Variants in PEMT observed in about 807,000 individuals in gnomAD.
The protein encoded by PEMT is phosphatidylethanolamine N-methyltransferase.
PEMT carries 23 observed loss-of-function variants against 27.4 expected under a neutral mutation model. That is an observed-to-expected ratio of 0.84 (90% CI 0.60 to 1.19). PEMT has a LOEUF of 1.19. Among genes scored for constraint, PEMT ranks in the 50% most tolerant of loss-of-function variants. The pLI is 0.00. For missense variants in PEMT, 307 were observed against 310.1 expected, an observed-to-expected ratio of 0.99 and a Z score of 0.07; for synonymous variants, 137 against 139.1, an observed-to-expected ratio of 0.98 and a Z score of 0.11.
chr17:17,550,476 T>G (rs1239977433), intron 2 of PEMT, among the ~76,000 whole-genome samples: 1 of 152,140 alleles, frequency 6.6e-6, no homozygotes, highest in Admixed American at 6.6e-5. Flanking sequence ...AGGACCCCCC[T>G]TCCCCCCACT....
intron 2 of PEMT, among the ~76,000 whole-genome samples, chr17:17,540,630 G>A (rs965234586): frequency 6.6e-6 from 1 of 152,164 alleles, no homozygotes; most frequent in African/African-American, 2.4e-5. Flanking sequence ...AGGATGAGAG[G>A]CCCCAGGCAG....
chr17:17,562,662 A>G (rs371226937), intron 2 of PEMT, among the ~76,000 whole-genome samples: 4 of 152,210 alleles, frequency 2.6e-5, no homozygotes, highest in African/African-American at 9.7e-5. Flanking sequence ...TGCAAAAATT[A>G]GCCGGGCATG....
intron 2 of PEMT, among the ~76,000 whole-genome samples, chr17:17,550,103 T>C (rs1909544375): frequency 6.6e-6 from 1 of 152,140 alleles, no homozygotes; most frequent in Non-Finnish European, 1.5e-5. Flanking sequence ...GCACAGAGAC[T>C]CTCTCTCCTC....
At chr17:17,528,222 CG>C (rs1171284475) in intron 2 of PEMT, among the ~76,000 whole-genome samples, 2 of 152,218 alleles carry the variant, frequency 1.3e-5, no homozygotes, top group Non-Finnish European at 2.9e-5. Context: ...CCTCCCGAAC[CG>C]CCCCCATCTC....
At position 17,588,174 on chromosome 17, in the gene PEMT, T is replaced by C. The variant is rs142329478; in HGVS notation, c.96+3357A>G. Among the ~76,000 whole-genome samples, 1,381 of 152,304 alleles carry C rather than the reference T, an allele frequency of 9.1e-3. 29 individuals carry two copies. The highest frequency in any genetic ancestry group is 0.031 in the African/African-American group (1,280 of 41,556). On this transcript the variant is annotated intron_variant, in intron 1 of 6. Coordinates refer to ENST00000255389, the MANE Select transcript of PEMT (RefSeq NM_148172.3). ...CACGGAAAGCCTCAACCCTGCTCTGTCTTGGCTGATGCCAAAATTACTGAA... is the reference window on the plus strand; with the variant it reads ...CACGGAAAGCCTCAACCCTGCTCTGCCTTGGCTGATGCCAAAATTACTGAA...
At chr17:17,556,345 C>G (rs1910049402) in intron 2 of PEMT, among the ~76,000 whole-genome samples, 1 of 151,574 alleles carries the variant, frequency 6.6e-6, no homozygotes, top group Non-Finnish European at 1.5e-5. Context: ...GCATGGGAGC[C>G]TTCCTTCCTT....
intron 1 of PEMT, among the ~76,000 whole-genome samples, chr17:17,587,867 G>A (rs1912399006): frequency 6.6e-6 from 1 of 152,100 alleles, no homozygotes; most frequent in African/African-American, 2.4e-5. Flanking sequence ...CTGAGCAACA[G>A]AGCGAGACTC....
chr17:17,577,584 C>CT (rs1319782106), intron 1 of PEMT: 1 of 853,744 alleles, frequency 1.2e-6, no homozygotes, highest in Non-Finnish European at 1.4e-6. Flanking sequence ...CACGTGGACA[C>CT]TGCCCCCGCC....
rs1912021802 is a variant in PEMT, at chr17:17,582,355, T to C, written c.97-5328A>G. 1 of 985,292 alleles carries C rather than the reference T, an allele frequency of 1.0e-6. No individual in the cohort carries two copies. Among genetic ancestry groups the C allele is most frequent in the Non-Finnish European group, 1.2e-6 (1 of 829,884 alleles). The allele number at this position is 985,292 out of a possible 1,614,324, so 61.0% of individuals were successfully genotyped here. The stretch of plus-strand genomic sequence containing the variant: ...CCTCAGCTGTTAACACCCCAAAGCA[T>C]GGGTAAGGAAGAGGCTTTATGGTAA... On this transcript the variant is annotated intron_variant, in intron 1 of 6. Coordinates refer to ENST00000255389, the MANE Select transcript of PEMT (RefSeq NM_148172.3). The surrounding 1 kb of genome is among the most constrained non-coding windows in gnomAD (Gnocchi z 4.9).
chr17:17,561,091 A>C lies in PEMT; in HGVS notation c.204+15829T>G, dbSNP rs543549836. Among the ~76,000 whole-genome samples the C allele has an allele frequency of 2.0e-5, 3 of 152,118 alleles. No individual in the cohort carries two copies. The highest frequency in any genetic ancestry group is 2.0e-4 in the Admixed American group (3 of 15,276). Reference sequence around the variant, plus strand: ...TCAAATCCTATTTGCCTCAGGTTCCAGGGAGTCTCACATGATGGGCAGGAC... The same window carrying C: ...TCAAATCCTATTTGCCTCAGGTTCCCGGGAGTCTCACATGATGGGCAGGAC... On this transcript the variant is annotated intron_variant, in intron 2 of 6. Coordinates refer to ENST00000255389, the MANE Select transcript of PEMT (RefSeq NM_148172.3). This position sits in a 1 kb window ranked among gnomAD's most constrained non-coding sequence, Gnocchi z 4.5.
intron 2 of PEMT, among the ~76,000 whole-genome samples, chr17:17,539,990 G>A (rs1908768570): frequency 6.6e-6 from 1 of 152,244 alleles, no homozygotes; most frequent in Non-Finnish European, 1.5e-5. Context: ...CCCACCCCAG[G>A]AGTGCAGGGA....
At chr17:17,508,033 G>C in intron 5 of PEMT, 1 of 152,798 alleles carries the variant, frequency 6.5e-6, no homozygotes, top group Non-Finnish European at 1.5e-5. Context: ...GGAGGGATTC[G>C]TGCAGGAGGG....
chr17:17,515,823 A>G (rs972665883), intron 3 of PEMT, among the ~76,000 whole-genome samples: 1 of 152,152 alleles, frequency 6.6e-6, no homozygotes, highest in African/African-American at 2.4e-5. Flanking sequence ...AGGGGTGGGG[A>G]ACGGAGACTC....
intron 1 of PEMT, among the ~76,000 whole-genome samples, chr17:17,586,384 G>A (rs1465572131): frequency 6.6e-6 from 1 of 151,940 alleles, no homozygotes; most frequent in Non-Finnish European, 1.5e-5. Flanking sequence ...GGCAGCCTTG[G>A]GAACAGCCTG....
In PEMT at chr17:17,526,386, C is replaced by T. The variant is rs539563190; in HGVS notation, c.205-3991G>A. 3.9e-5 allele frequency among the ~76,000 whole-genome samples: 6 copies of T among 152,292 alleles called. No individual in the cohort carries two copies. In the East Asian group the frequency reaches 5.8e-4, roughly 15 times the overall value. ...TTCATAGGCAAATCACTCAGCTGCC[C>T]GCTACCTAAACTGAGTCAGCTGCAA... On this transcript the variant is annotated intron_variant, in intron 2 of 6. Transcript: ENST00000255389.
chr17:17,533,219 C>T (rs1908231778), intron 2 of PEMT, among the ~76,000 whole-genome samples: 1 of 152,170 alleles, frequency 6.6e-6, no homozygotes, highest in African/African-American at 2.4e-5. Flanking sequence ...GCTGCCAAAA[C>T]AAATGAATGT....
intron 2 of PEMT, among the ~76,000 whole-genome samples, chr17:17,570,088 C>A (rs1164730226): frequency 6.6e-6 from 1 of 152,232 alleles, no homozygotes; most frequent in East Asian, 1.9e-4. Context: ...TCCACGCTCA[C>A]AAAGCCAATA....
At chr17:17,569,380 C>T (rs1911040629) in intron 2 of PEMT, among the ~76,000 whole-genome samples, 4 of 152,132 alleles carry the variant, frequency 2.6e-5, no homozygotes, top group African/African-American at 9.7e-5. Context: ...AGAGAGGGGC[C>T]TCAGAGGGGA....
At chr17:17,554,198 T>G (rs536191592) in intron 2 of PEMT, among the ~76,000 whole-genome samples, 19 of 152,176 alleles carry the variant, frequency 1.2e-4, no homozygotes, top group Non-Finnish European at 2.8e-4. Context: ...GGTGTTTGGT[T>G]TTCAGTACAA....
Sources: gnomAD v4.1 joint callset for allele counts (sites outside exome capture counted in the v4.1 genomes callset) on GRCh38, gnomAD v4.1.1 for gene constraint, Gnocchi (gnomAD v3.1) non-coding constraint, MANE v1.5 for transcripts, NCBI Gene and HGNC (gene_info 2026-07-23, HGNC 2026-07-21) for gene names.